CCNY: variants seen among roughly 807,000 people sequenced by gnomAD.
The protein encoded by CCNY is cyclin Y.
A neutral mutation model predicts 42.8 loss-of-function variants in CCNY; 19 were observed. The observed-to-expected ratio is 0.44, with a 90% CI of 0.31 to 0.65. The LOEUF (loss-of-function observed/expected upper bound fraction) is 0.65. CCNY is among the 30% of genes least tolerant of loss of function. CCNY has a pLI of 0.07. For missense variants in CCNY, 370 were observed against 437.3 expected, an observed-to-expected ratio of 0.85 and a Z score of 1.37; for synonymous variants, 165 against 162.7, an observed-to-expected ratio of 1.01 and a Z score of -0.11.
At chr10:35,249,310 C>T (rs2095710236) in intron 2 of CCNY, among the ~76,000 whole-genome samples, 1 of 152,084 alleles carries the variant, frequency 6.6e-6, no homozygotes, top group Non-Finnish European at 1.5e-5. Context: ...TTAATATTAA[C>T]CACTAAGCAT....
chr10:35,453,999 A>AT (rs1838975867), intron 1 of CCNY, among the ~76,000 whole-genome samples: 1 of 152,206 alleles, frequency 6.6e-6, no homozygotes, highest in South Asian at 2.1e-4. Context: ...AATGGATTTC[A>AT]TAATCTCCTG....
chr10:35,444,614 G>A (rs547124665), intron 1 of CCNY, among the ~76,000 whole-genome samples: 1 of 152,326 alleles, frequency 6.6e-6, no homozygotes, highest in South Asian at 2.1e-4. Flanking sequence ...CAGGAGTGAT[G>A]TGTTGCACTA....
intron 1 of CCNY, among the ~76,000 whole-genome samples, chr10:35,389,439 CT>C (rs1365155125): frequency 0.012 from 1,455 of 120,538 alleles, 6 homozygotes; most frequent in African/African-American, 0.036. Flanking sequence ...GAAAACTGTG[CT>C]TTTTTTTTTT....
chr10:35,301,059 C>T (rs975000055), intron 3 of CCNY, among the ~76,000 whole-genome samples: 1 of 152,096 alleles, frequency 6.6e-6, no homozygotes, highest in African/African-American at 2.4e-5. Flanking sequence ...CCGCCCGCTT[C>T]GGCCTCCTAA....
chr10:35,346,509 G>A (rs539004201), intron 1 of CCNY, among the ~76,000 whole-genome samples: 114 of 152,340 alleles, frequency 7.5e-4, no homozygotes, highest in African/African-American at 2.2e-3. Flanking sequence ...CATTTCAGGG[G>A]TTGGCCAACT....
chr10:35,292,729 C>T (rs1039672367), intron 3 of CCNY, among the ~76,000 whole-genome samples: 8 of 149,240 alleles, frequency 5.4e-5, no homozygotes, highest in South Asian at 2.1e-4. Context: ...CTTTCAGCAT[C>T]GTATCTAAGA....
chr10:35,532,024 A>T (rs1840779926), intron 7 of CCNY, among the ~76,000 whole-genome samples: 1 of 152,246 alleles, frequency 6.6e-6, no homozygotes, highest in South Asian at 2.1e-4. Flanking sequence ...CCTATGAAAT[A>T]GACTGGTGTT....
intron 3 of CCNY, among the ~76,000 whole-genome samples, chr10:35,291,163 G>A (rs867415401): frequency 1.3e-5 from 2 of 151,876 alleles, no homozygotes; most frequent in African/African-American, 2.4e-5. Flanking sequence ...CCGCCACCAC[G>A]CCCAGCTAAT....
intron 8 of CCNY, among the ~76,000 whole-genome samples, chr10:35,559,284 G>C (rs1236860989): frequency 6.6e-6 from 1 of 152,218 alleles, no homozygotes; most frequent in Non-Finnish European, 1.5e-5. Flanking sequence ...TAGCGTTCTA[G>C]TGTTTTGTGG....
At chr10:35,291,009 A>G (rs1170148678) in intron 3 of CCNY, among the ~76,000 whole-genome samples, 1 of 150,314 alleles carries the variant, frequency 6.7e-6, no homozygotes, top group Admixed American at 6.6e-5. Flanking sequence ...ATGAAATATG[A>G]CTTTTTTTTT....
intron 1 of CCNY, among the ~76,000 whole-genome samples, chr10:35,450,564 G>T (rs190863132): frequency 1.6e-4 from 24 of 152,252 alleles, no homozygotes; most frequent in African/African-American, 5.8e-4. Flanking sequence ...CTGATGGAAA[G>T]GTTGTGGTTC....
At chr10:35,398,269 T>C (rs1366972697) in intron 1 of CCNY, among the ~76,000 whole-genome samples, 1 of 152,206 alleles carries the variant, frequency 6.6e-6, no homozygotes, top group African/African-American at 2.4e-5. Flanking sequence ...ATTGTGATCC[T>C]CTCAGAGGAC....
rs887584854 is a variant in CCNY, at chr10:35,304,477, T to A, written c.-9+53851T>A. Among the ~76,000 whole-genome samples, 136 of 107,394 alleles carry A rather than the reference T, an allele frequency of 1.3e-3. 32 individuals are homozygous for A. The highest frequency in any genetic ancestry group is 1.8e-3 in the Non-Finnish European group (97 of 55,012). The allele number at this position is 107,394 out of a possible 152,430, so 70.5% of individuals were successfully genotyped here. A position where few individuals can be genotyped will look rare whatever the true frequency, so the allele number is the denominator to read the frequency against. ...GGCGCCCGCCACTACGCCCGGCTAA[T>A]TTTTTTGTATTTTTAGTAGAGACGG... On this transcript the variant is annotated intron_variant, in intron 3 of 11. Coordinates refer to the CCNY transcript ENST00000374706.
intron 7 of CCNY, among the ~76,000 whole-genome samples, chr10:35,532,386 A>G (rs1724853025): frequency 1.3e-5 from 2 of 152,274 alleles, no homozygotes; most frequent in Non-Finnish European, 2.9e-5. Context: ...GAGGAAGAGC[A>G]GTTAGCCCTG....
At chr10:35,331,604 G>A (rs1398280539), upstream of CCNY, among the ~76,000 whole-genome samples, 1 of 152,112 alleles carries the variant, frequency 6.6e-6, no homozygotes, top group African/African-American at 2.4e-5. Context: ...CTCCCTTCTC[G>A]GCTAAGCTGG....
intron 1 of CCNY, among the ~76,000 whole-genome samples, chr10:35,397,571 G>T (rs2135222519): frequency 6.6e-6 from 1 of 152,270 alleles, no homozygotes; most frequent in Admixed American, 6.5e-5. Flanking sequence ...ACACAACATT[G>T]GCGGTGGGAG....
chr10:35,549,616 A>C (rs868730169), intron 7 of CCNY, among the ~76,000 whole-genome samples: 59 of 102,174 alleles, frequency 5.8e-4, no homozygotes, highest in Middle Eastern at 7.8e-3. Flanking sequence ...TGCTCATGAC[A>C]CATGACCCTA....
At chr10:35,462,189 T>C (rs780768473) in intron 1 of CCNY, among the ~76,000 whole-genome samples, 2 of 152,238 alleles carry the variant, frequency 1.3e-5, no homozygotes, top group Non-Finnish European at 2.9e-5. Context: ...TGTTTTTCAC[T>C]AAAGTAACAT....
At chr10:35,504,565 A>C (rs2135394509) in intron 3 of CCNY, among the ~76,000 whole-genome samples, 1 of 152,348 alleles carries the variant, frequency 6.6e-6, no homozygotes, top group African/African-American at 2.4e-5. Flanking sequence ...TATAAAGGTT[A>C]ATATTTTAAT....
Sources: gnomAD v4.1 joint callset for allele counts (sites outside exome capture counted in the v4.1 genomes callset) on GRCh38, gnomAD v4.1.1 for gene constraint, MANE v1.5 for transcripts, NCBI Gene and HGNC (gene_info 2026-07-23, HGNC 2026-07-21) for gene names.